Variants in COL5A1 observed in about 807,000 individuals in gnomAD.
COL5A1 encodes collagen type V alpha 1 chain.
In COL5A1, 16 loss-of-function variants were observed where a neutral mutation model predicts 263.7. The observed-to-expected ratio is 0.06, with a 90% CI of 0.04 to 0.09. COL5A1 has a LOEUF of 0.09. COL5A1 is among the 10% of genes least tolerant of loss of function. The probability of loss-of-function intolerance (pLI) is 1.00; values close to 1 mark genes in which losing one functional copy is unlikely to be tolerated. For synonymous variants in COL5A1, 1,012 were observed against 1,004.5 expected, an observed-to-expected ratio of 1.01 and a Z score of -0.14; for missense variants, 2,036 against 2,540.5, an observed-to-expected ratio of 0.80 and a Z score of 4.27.
At chr9:134,748,493 A>C (rs1034210937) in intron 11 of COL5A1, among the ~76,000 whole-genome samples, 2 of 152,244 alleles carry the variant, frequency 1.3e-5, no homozygotes, top group African/African-American at 2.4e-5. Flanking sequence ...TCTTAAATGC[A>C]AGGTTTGGTT....
At chr9:134,722,027 C>T (rs1254270533) in intron 4 of COL5A1, among the ~76,000 whole-genome samples, 2 of 152,254 alleles carry the variant, frequency 1.3e-5, no homozygotes, top group Non-Finnish European at 2.9e-5. Context: ...GTTTCTCCTT[C>T]TCCACGGGGG....
At chr9:134,753,032 G>A (rs1009765346) in intron 14 of COL5A1, among the ~76,000 whole-genome samples, 2 of 152,150 alleles carry the variant, frequency 1.3e-5, no homozygotes, top group Non-Finnish European at 2.9e-5. Flanking sequence ...AACACGCTAT[G>A]AGCTGTCACC....
At position 134,682,738 on chromosome 9, in the gene COL5A1, G is replaced by A. The variant is rs1018932604; in HGVS notation, c.110-8174G>A. Among the ~76,000 whole-genome samples, 17 of 152,206 alleles carry A rather than the reference G, an allele frequency of 1.1e-4. No homozygotes were observed. Among genetic ancestry groups the A allele is most frequent in the African/African-American group, 4.1e-4 (17 of 41,458 alleles). On this transcript the variant is annotated intron_variant, in intron 1 of 65. Coordinates refer to ENST00000371817, the MANE Select transcript of COL5A1 (RefSeq NM_000093.5). This position sits in a 1 kb window ranked among gnomAD's most constrained non-coding sequence, Gnocchi z 5.1. ...CCCCCAAGTGACCACGAGTGACCAG[G>A]TGGAATCTGCTGGTGTGTTGTGGTT...
intron 59 of COL5A1, 123 bp from the exon 60 acceptor site, chr9:134,822,875 C>T: frequency 9.1e-7 from 1 of 1,103,438 alleles, no homozygotes; most frequent in Non-Finnish European, 1.4e-6. Flanking sequence ...CAAGCATAGA[C>T]TCTTGAGGGG....
chr9:134,829,119 A>ATCATTCATTCAT (rs55712373), intron 63 of COL5A1, among the ~76,000 whole-genome samples: 3 of 151,804 alleles, frequency 2.0e-5, no homozygotes, highest in Non-Finnish European at 2.9e-5. Context: ...CCCTTGGTCC[A>ATCATTCATTCAT]TCATTCATTC....
chr9:134,694,442 G>A (rs923529991), intron 2 of COL5A1, among the ~76,000 whole-genome samples: 11 of 152,246 alleles, frequency 7.2e-5, no homozygotes, highest in Non-Finnish European at 1.2e-4. Flanking sequence ...GATGGAGCCC[G>A]GCCTCCTCTG....
chr9:134,676,627 T>C (rs1391137300), intron 1 of COL5A1, among the ~76,000 whole-genome samples: 2 of 152,274 alleles, frequency 1.3e-5, no homozygotes, highest in Non-Finnish European at 2.9e-5. Context: ...TCCACTGGCA[T>C]TCGTCTTGGA....
intron 31 of COL5A1, among the ~76,000 whole-genome samples, chr9:134,787,649 C>T (rs761843339): frequency 1.5e-4 from 23 of 152,362 alleles, no homozygotes; most frequent in Non-Finnish European, 3.1e-4. Flanking sequence ...AATTAAAGAG[C>T]TGGTAGGTGC....
chr9:134,692,076 C>T (rs925548771), intron 2 of COL5A1, among the ~76,000 whole-genome samples: 1 of 152,214 alleles, frequency 6.6e-6, no homozygotes, highest in African/African-American at 2.4e-5. Context: ...CCTTTACATC[C>T]ATGTGACCTT....
chr9:134,744,869 A>C (rs1008649953), intron 11 of COL5A1, among the ~76,000 whole-genome samples: 2 of 151,578 alleles, frequency 1.3e-5, no homozygotes, highest in African/African-American at 2.4e-5. Flanking sequence ...ATTTACACAC[A>C]TGCACTCACA....
chr9:134,829,954 C>CA (rs749560277), intron 63 of COL5A1, 22 bp from the exon 64 acceptor site: 2 of 1,609,744 alleles, frequency 1.2e-6, no homozygotes, highest in East Asian at 4.5e-5. Flanking sequence ...TCTCCCTCCC[C>CA]ACCTCCCCGC....
rs1002531122 is a variant in COL5A1, at chr9:134,818,637, G to T, written c.4231-19G>T. 9 of 1,589,918 alleles carry T rather than the reference G, an allele frequency of 5.7e-6. No homozygotes were observed. The African/African-American group carries it at 8.1e-5, about 14-fold the overall frequency. Reference sequence around the variant, plus strand: ...AGCCTAGAGCTCCGGACCTCATTCTGCCCTCCGCCGTCCTGCAGGGAGAAG... The same window carrying T: ...AGCCTAGAGCTCCGGACCTCATTCTTCCCTCCGCCGTCCTGCAGGGAGAAG... On this transcript the variant is annotated intron_variant, in intron 54 of 65. Coordinates refer to ENST00000371817, the MANE Select transcript of COL5A1 (RefSeq NM_000093.5). The surrounding 1 kb of genome is among the most constrained non-coding windows in gnomAD (Gnocchi z 6.0).
In COL5A1 at chr9:134,700,643, C is replaced by T. The variant is rs1483164083; in HGVS notation, c.491+521C>T. Among the ~76,000 whole-genome samples the T allele has an allele frequency of 6.6e-6, 1 of 152,208 alleles. No homozygotes were observed. Among genetic ancestry groups the T allele is most frequent in the African/African-American group, 2.4e-5 (1 of 41,456 alleles). On this transcript the variant is annotated intron_variant, in intron 3 of 65. Transcript: ENST00000371817. The surrounding 1 kb of genome is among the most constrained non-coding windows in gnomAD (Gnocchi z 4.0). ...TCCGAACGTCTTCAATACATGATTTCTGAATTCTTCGCCAAGACTTTCAGA... is the reference window on the plus strand; with the variant it reads ...TCCGAACGTCTTCAATACATGATTTTTGAATTCTTCGCCAAGACTTTCAGA...
intron 57 of COL5A1, among the ~76,000 whole-genome samples, chr9:134,819,764 T>A (rs548774362): frequency 1.3e-5 from 2 of 152,376 alleles, no homozygotes; most frequent in Non-Finnish European, 2.9e-5. Flanking sequence ...TTGTTTTAGT[T>A]CCGTATAGGA....
At position 134,821,578 on chromosome 9, in the gene COL5A1, T is replaced by TG. The variant is rs1399075579; in HGVS notation, c.4555-515dup. Reference sequence around the variant, plus strand: ...GCAGCTCAGTCTGGGAGGGAGTCAGTGGGGAGAAGGGGTCTGAGCGGAGGT... The same window carrying TG: ...GCAGCTCAGTCTGGGAGGGAGTCAGTGGGGGAGAAGGGGTCTGAGCGGAGGT... On this transcript the variant is annotated intron_variant, in intron 58 of 65. Transcript: ENST00000371817. The surrounding 1 kb of genome is among the most constrained non-coding windows in gnomAD (Gnocchi z 4.2). 6.6e-6 allele frequency among the ~76,000 whole-genome samples: 1 copy of TG among 151,870 alleles called. No homozygotes were observed. Among genetic ancestry groups the TG allele is most frequent in the South Asian group, 2.1e-4 (1 of 4,794 alleles).
Position 134,685,613 on chromosome 9 carries a change from TCCATCCAC to T in COL5A1, c.110-5297_110-5290del, listed in dbSNP as rs1564386844. Among the ~76,000 whole-genome samples, 229 of 31,746 alleles carry T rather than the reference TCCATCCAC, an allele frequency of 7.2e-3. 7 individuals carry two copies. Among genetic ancestry groups the T allele is most frequent in the South Asian group, 0.037 (21 of 560 alleles). The allele number at this position is 31,746 out of a possible 152,430, so 20.8% of individuals were successfully genotyped here. A position where few individuals can be genotyped will look rare whatever the true frequency, so the allele number is the denominator to read the frequency against. On this transcript the variant is annotated intron_variant, in intron 1 of 65. Transcript: ENST00000371817. Reference sequence around the variant, plus strand: ...CATCCATCCATCCATCCATCATCCATCCATCCACCATCCATCCATCCACCATCCATCCA... The same window carrying T: ...CATCCATCCATCCATCCATCATCCATCATCCATCCATCCACCATCCATCCA...
At chr9:134,811,256 C>G in intron 44 of COL5A1, 83 bp from the exon 45 acceptor site, 1 of 1,287,598 alleles carries the variant, frequency 7.8e-7, no homozygotes, top group African/African-American at 1.5e-5. Context: ...CATCAGTCCC[C>G]GGGCTCAGGA....
At chr9:134,719,789 T>C (rs967574855) in intron 4 of COL5A1, among the ~76,000 whole-genome samples, 5 of 151,694 alleles carry the variant, frequency 3.3e-5, no homozygotes, top group Admixed American at 6.6e-5. Context: ...CAATGAAGGG[T>C]GGAGAAGGGG....
intron 18 of COL5A1, 64 bp from the exon 19 acceptor site, chr9:134,761,861 G>T: frequency 6.7e-7 from 1 of 1,498,576 alleles, no homozygotes; most frequent in Non-Finnish European, 9.3e-7. Context: ...AACAAAGTGG[G>T]ACCTTGGACA....
Sources: gnomAD v4.1 joint callset for allele counts (sites outside exome capture counted in the v4.1 genomes callset) on GRCh38, gnomAD v4.1.1 for gene constraint, Gnocchi (gnomAD v3.1) non-coding constraint, MANE v1.5 for transcripts, NCBI Gene and HGNC (gene_info 2026-07-23, HGNC 2026-07-21) for gene names.